The following SYNE3 variants were observed in gnomAD, a reference collection of about 807,000 sequenced individuals.
The protein encoded by SYNE3 is nesprin-3.
In SYNE3, 100 loss-of-function variants were observed where a neutral mutation model predicts 111.2. That is an observed-to-expected ratio of 0.90 (90% CI 0.77 to 1.06). The LOEUF is 1.06. Among genes scored for constraint, SYNE3 ranks in the 50% least tolerant of loss-of-function variants. The probability of loss-of-function intolerance (pLI) is 0.00; values close to 1 mark genes in which losing one functional copy is unlikely to be tolerated. For missense variants in SYNE3, 1,160 were observed against 1,240.3 expected (o/e 0.94, Z 0.97); for synonymous variants, 547 against 533.9 (o/e 1.02, Z -0.34).
intron 1 of SYNE3, among the ~76,000 whole-genome samples, chr14:95,479,219 T>G (rs892156494): frequency 1.0e-5 from 1 of 96,664 alleles, no homozygotes; most frequent in African/African-American, 4.4e-5. Context: ...AGACCTCGTC[T>G]CTACCAAAAA....
In SYNE3 at chr14:95,430,404, T is replaced by C. The variant is rs183686202; in HGVS notation, c.2727+1675A>G. The stretch of plus-strand genomic sequence containing the variant: ...TTTCCCTTTCTCATGAGAAGTGTGT[T>C]TGTTATTCTAAACTGGGGGGTGTTG... On this transcript the variant is annotated intron_variant, in intron 17 of 17. Transcript: ENST00000682763. 2.6e-5 allele frequency among the ~76,000 whole-genome samples: 4 copies of C among 152,286 alleles called. No individual in the cohort carries two copies. In the East Asian group the frequency reaches 7.7e-4, roughly 29 times the overall value.
chr14:95,448,577 A>G (rs893218629), intron 8 of SYNE3, among the ~76,000 whole-genome samples: 1 of 152,200 alleles, frequency 6.6e-6, no homozygotes, highest in African/African-American at 2.4e-5. Flanking sequence ...AATCCCAGCT[A>G]CTTGGGAGGC....
chr14:95,416,398 G>T lies in SYNE3; in HGVS notation c.*1428C>A. 6.6e-6 allele frequency: 1 copy of T among 152,380 alleles called. No individual in the cohort carries two copies. 9.4% of individuals were successfully genotyped at this position (152,380 alleles called of 1,614,324 possible). On this transcript the variant is annotated 3_prime_UTR_variant, in exon 18 of 18. Coordinates refer to ENST00000682763, the MANE Select transcript of SYNE3 (RefSeq NM_152592.6). ...ATCCCCTCGTATTTGTAGTTGAACA[G>T]ACAAAATCCATTTGTAGAGAGTGGG... is the stretch of plus-strand genomic sequence containing the variant.
At chr14:95,474,824 T>C (rs745701) in intron 2 of SYNE3, among the ~76,000 whole-genome samples, 1,671 of 152,230 alleles carry the variant, frequency 0.011, 33 homozygotes, top group African/African-American at 0.038. Context: ...CCTGGCTGGG[T>C]GACTGGTTTG....
chr14:95,457,421 T>TGG (rs1491216246), intron 4 of SYNE3, 83 bp from the exon 5 acceptor site: 9 of 345,084 alleles, frequency 2.6e-5, no homozygotes, highest in Non-Finnish European at 3.4e-5. Flanking sequence ...CCTGCCTGGG[T>TGG]GTGTGTGTGT....
chr14:95,409,930 T>A lies in SYNE3; in HGVS notation c.*7896A>T, dbSNP rs1046696367. On this transcript the variant is annotated 3_prime_UTR_variant, in exon 18 of 18. Transcript: ENST00000682763. ...CCTGGAAAGGCTCAGAGATCCTCATTTTCCAAGATTTGCACCCAGGAGCTC... is the reference window on the plus strand; with the variant it reads ...CCTGGAAAGGCTCAGAGATCCTCATATTCCAAGATTTGCACCCAGGAGCTC... 1 of 157,802 alleles carries A rather than the reference T, an allele frequency of 6.3e-6. No homozygotes were observed. Among genetic ancestry groups the A allele is most frequent in the Non-Finnish European group, 1.4e-5 (1 of 71,224 alleles). 9.8% of individuals were successfully genotyped at this position (157,802 alleles called of 1,614,324 possible). A position where few individuals can be genotyped will look rare whatever the true frequency, so the allele number is the denominator to read the frequency against.
intron 1 of SYNE3, among the ~76,000 whole-genome samples, chr14:95,510,992 C>T (rs561081781): frequency 6.6e-6 from 1 of 152,364 alleles, no homozygotes; most frequent in East Asian, 1.9e-4. Flanking sequence ...CCATGGCCCG[C>T]CCAGGCTGGG....
chr14:95,428,344 G>A (rs1885552844), intron 17 of SYNE3, among the ~76,000 whole-genome samples: 1 of 152,122 alleles, frequency 6.6e-6, no homozygotes, highest in African/African-American at 2.4e-5. Context: ...TCAGGTTGGG[G>A]GTGACGGGCA....
chr14:95,481,223 G>A (rs17092509), intron 1 of SYNE3, among the ~76,000 whole-genome samples: 5 of 152,184 alleles, frequency 3.3e-5, no homozygotes, highest in Admixed American at 2.6e-4. Context: ...TCTGAAGCCC[G>A]AGATTCTCAC....
chr14:95,499,761 G>A (rs1248288167), intron 1 of SYNE3, among the ~76,000 whole-genome samples: 1 of 151,784 alleles, frequency 6.6e-6, no homozygotes, highest in African/African-American at 2.4e-5. Context: ...CCTTAGCAGA[G>A]CCCAGGCTGT....
intron 1 of SYNE3, among the ~76,000 whole-genome samples, chr14:95,499,465 C>T (rs940929024): frequency 6.6e-6 from 1 of 152,136 alleles, no homozygotes; most frequent in Non-Finnish European, 1.5e-5. Context: ...CTGCTGGTCC[C>T]TCTGCCCTTC....
chr14:95,457,174 T>C lies in SYNE3; in HGVS notation c.789+3A>G. On this transcript the variant is annotated splice_donor_region_variant and intron_variant, in intron 5 of 17. Transcript: ENST00000682763. The stretch of plus-strand genomic sequence containing the variant: ...CTCTGGTTGAGACACAGCTGGGGAT[T>C]ACCTGCAGTGTGGAGAGGCGCTGCG... The C allele has an allele frequency of 6.2e-7, 1 of 1,613,098 alleles. No individual in the cohort carries two copies. The highest frequency in any genetic ancestry group is 1.7e-4 in the Middle Eastern group (1 of 6,056).
intron 2 of SYNE3, among the ~76,000 whole-genome samples, chr14:95,473,509 G>A (rs1448314642): frequency 1.3e-5 from 2 of 152,080 alleles, no homozygotes; most frequent in African/African-American, 4.8e-5. Context: ...CATTTCTTGT[G>A]CACACCCAGA....
At chr14:95,496,561 A>G (rs1890100326) in intron 1 of SYNE3, among the ~76,000 whole-genome samples, 1 of 152,254 alleles carries the variant, frequency 6.6e-6, no homozygotes, top group Non-Finnish European at 1.5e-5. Context: ...CGAGGGCTCC[A>G]TGAAATCTTA....
rs1417874268 is a variant in SYNE3, at chr14:95,493,483, G to GT, written c.-14-17649_-14-17648insA. Among the ~76,000 whole-genome samples the GT allele has an allele frequency of 2.6e-5, 4 of 152,344 alleles. 1 individual carries two copies. Among genetic ancestry groups the GT allele is most frequent in the African/African-American group, 9.6e-5 (4 of 41,580 alleles). On this transcript the variant is annotated intron_variant, in intron 1 of 17. Transcript: ENST00000682763. ...CTCCGGAGCTGCAGCTGTCCCAGCT[G>GT]CTGAGCCAGACTGCTTCTGAGAGCC...
rs2139325996 is a variant in SYNE3 at position 95,415,210 on chromosome 14, A to C, written c.*2616T>G. ...GCCTCTCACTGTGTGGCCATGGATCAGTTTCTTCCCCATTCTGGGCCTCAG... is the reference window on the plus strand; with the variant it reads ...GCCTCTCACTGTGTGGCCATGGATCCGTTTCTTCCCCATTCTGGGCCTCAG... On this transcript the variant is annotated 3_prime_UTR_variant, in exon 18 of 18. Transcript: ENST00000682763. 1 of 152,348 alleles carries C rather than the reference A, an allele frequency of 6.6e-6. No homozygotes were observed. The highest frequency in any genetic ancestry group is 2.1e-4 in the South Asian group (1 of 4,820). The allele number at this position is 152,348 out of a possible 1,614,324, so 9.4% of individuals were successfully genotyped here.
intron 17 of SYNE3, among the ~76,000 whole-genome samples, chr14:95,425,384 C>T (rs1885375881): frequency 6.6e-6 from 1 of 152,154 alleles, no homozygotes; most frequent in Non-Finnish European, 1.5e-5. Flanking sequence ...CATAGGACGT[C>T]CTAGAAAAGG....
intron 17 of SYNE3, among the ~76,000 whole-genome samples, chr14:95,418,862 A>G (rs1407091966): frequency 6.6e-6 from 1 of 152,042 alleles, no homozygotes; most frequent in Non-Finnish European, 1.5e-5. Context: ...TTGGCCTCCC[A>G]AAGTGCTGGG....
chr14:95,506,362 G>A (rs987820314), intron 1 of SYNE3, among the ~76,000 whole-genome samples: 23 of 152,214 alleles, frequency 1.5e-4, no homozygotes, highest in South Asian at 6.2e-4. Flanking sequence ...CTGGTGCTCC[G>A]GGCAGGCAAT....
Sources: gnomAD v4.1 joint callset for allele counts (sites outside exome capture counted in the v4.1 genomes callset) on GRCh38, gnomAD v4.1.1 for gene constraint, MANE v1.5 for transcripts, NCBI Gene and HGNC (gene_info 2026-07-23, HGNC 2026-07-21) for gene names.